CALN1: variants seen among roughly 807,000 people sequenced by gnomAD.
The protein encoded by CALN1 is calneuron 1.
In CALN1, 17 loss-of-function variants were observed where a neutral mutation model predicts 30.6. The ratio of observed to expected loss-of-function variants is 0.56; its 90% CI spans 0.38 to 0.83. The LOEUF is 0.83. Ranked by LOEUF, CALN1 falls within the 40% of genes least tolerant of loss-of-function variation. The pLI is 0.00. For missense variants in CALN1, 291 were observed against 354.9 expected (o/e 0.82, Z 1.45); for synonymous variants, 156 against 131.4 (o/e 1.19, Z -1.28).
At chr7:72,256,983 C>A (rs1795955923) in intron 3 of CALN1, among the ~76,000 whole-genome samples, 1 of 152,158 alleles carries the variant, frequency 6.6e-6, no homozygotes, top group South Asian at 2.1e-4. Flanking sequence ...CATTTTCACA[C>A]TGCTATAAAG....
intron 6 of CALN1, among the ~76,000 whole-genome samples, chr7:71,792,442 G>T (rs992521935): frequency 3.9e-5 from 6 of 152,094 alleles, no homozygotes; most frequent in African/African-American, 1.4e-4. Context: ...AGTATATGTG[G>T]CTCAGCTTTC....
intron 3 of CALN1, among the ~76,000 whole-genome samples, chr7:72,203,235 T>C (rs192054666): frequency 2.0e-4 from 31 of 152,198 alleles, no homozygotes; most frequent in African/African-American, 7.5e-4. Context: ...ACCTAATGCA[T>C]GCGGGGCTTA....
chr7:72,027,186 A>G (rs1801118581), intron 4 of CALN1, among the ~76,000 whole-genome samples: 1 of 152,204 alleles, frequency 6.6e-6, no homozygotes, highest in South Asian at 2.1e-4. Flanking sequence ...GACAACTAGA[A>G]AAATGCATAT....
chr7:72,072,788 A>G (rs1420660607), intron 4 of CALN1, among the ~76,000 whole-genome samples: 1 of 152,234 alleles, frequency 6.6e-6, no homozygotes, highest in Admixed American at 6.5e-5. Flanking sequence ...GTTATAAAGC[A>G]GCATTTTTTA....
At chr7:72,268,711 C>A (rs1315741420) in intron 3 of CALN1, among the ~76,000 whole-genome samples, 1 of 151,774 alleles carries the variant, frequency 6.6e-6, no homozygotes, top group African/African-American at 2.4e-5. Flanking sequence ...GCAGGAGAAT[C>A]ACTTCAGCCC....
intron 4 of CALN1, among the ~76,000 whole-genome samples, chr7:72,040,711 T>C (rs572672784): frequency 6.6e-6 from 1 of 152,150 alleles, no homozygotes; most frequent in African/African-American, 2.4e-5. Context: ...AACGTGGCCA[T>C]GTGCAAACCA....
chr7:72,456,174 C>T, the CALN1 span, among the ~76,000 whole-genome samples: 5 of 143,768 alleles, frequency 3.5e-5, no homozygotes, highest in African/African-American at 1.3e-4. Context: ...CAGAGCGACA[C>T]TCAGTCTCAA....
chr7:71,925,371 G>A (rs1795211059), intron 5 of CALN1, among the ~76,000 whole-genome samples: 2 of 152,048 alleles, frequency 1.3e-5, no homozygotes, highest in African/African-American at 4.8e-5. Context: ...TCTTTATGAA[G>A]ATGTTAAGTT....
intron 3 of CALN1, among the ~76,000 whole-genome samples, chr7:72,233,935 CAG>C (rs1485668630): frequency 1.3e-5 from 2 of 152,090 alleles, no homozygotes; most frequent in African/African-American, 2.4e-5. Context: ...GCCTGGGAGA[CAG>C]AGGTTGCAGT....
At chr7:72,221,222 T>C (rs1793265242) in intron 3 of CALN1, among the ~76,000 whole-genome samples, 1 of 151,740 alleles carries the variant, frequency 6.6e-6, no homozygotes, top group South Asian at 2.1e-4. Context: ...AACTGACCTA[T>C]CAGGGAAGCA....
At chr7:71,873,532 T>A (rs1444728172) in intron 5 of CALN1, among the ~76,000 whole-genome samples, 6 of 152,202 alleles carry the variant, frequency 3.9e-5, no homozygotes, top group African/African-American at 1.4e-4. Context: ...CTAACCCAGT[T>A]CTTCTCAAAA....
intron 2 of CALN1, among the ~76,000 whole-genome samples, chr7:72,400,588 G>A (rs1387506243): frequency 2.6e-5 from 4 of 152,210 alleles, no homozygotes; most frequent in South Asian, 4.1e-4. Context: ...AAGGAATCAA[G>A]GCCAGGCATC....
At chr7:72,449,605 G>T (rs1808617359), upstream of CALN1, among the ~76,000 whole-genome samples, 4 of 152,184 alleles carry the variant, frequency 2.6e-5, no homozygotes, top group Admixed American at 2.6e-4. Flanking sequence ...GGGCGCGGTG[G>T]CTCATGCCTG....
chr7:72,408,413 C>G (rs2129562800), intron 1 of CALN1, among the ~76,000 whole-genome samples: 1 of 152,146 alleles, frequency 6.6e-6, no homozygotes, highest in Admixed American at 6.5e-5. Context: ...CCACTACACT[C>G]CAGCCTGGGC....
intron 5 of CALN1, among the ~76,000 whole-genome samples, chr7:71,836,839 A>T (rs1398307729): frequency 6.6e-6 from 1 of 151,506 alleles, no homozygotes; most frequent in Non-Finnish European, 1.5e-5. Flanking sequence ...GTCGGTCTCA[A>T]ACTCCCAACC....
chr7:72,360,149 A>G (rs1034822229), intron 2 of CALN1, among the ~76,000 whole-genome samples: 6 of 152,114 alleles, frequency 3.9e-5, no homozygotes, highest in Non-Finnish European at 8.8e-5. Flanking sequence ...CATTATTGCA[A>G]CAAACTGGGA....
chr7:71,832,079 C>T (rs1036863048), intron 5 of CALN1, among the ~76,000 whole-genome samples: 1 of 152,010 alleles, frequency 6.6e-6, no homozygotes, highest in Non-Finnish European at 1.5e-5. Context: ...TGATGTTGTC[C>T]AATTCATAAT....
chr7:72,435,371 T>A (rs1270980265), intron 1 of CALN1, among the ~76,000 whole-genome samples: 4 of 152,128 alleles, frequency 2.6e-5, no homozygotes, highest in Non-Finnish European at 4.4e-5. Context: ...TCATCTACAA[T>A]AGCTTTCCTG....
At chr7:72,396,836 T>G (rs1041283851) in intron 2 of CALN1, among the ~76,000 whole-genome samples, 1 of 152,014 alleles carries the variant, frequency 6.6e-6, no homozygotes, top group Non-Finnish European at 1.5e-5. Flanking sequence ...TTCGTTGAGG[T>G]TGAAGGTTAG....
Sources: allele counts gnomAD v4.1 joint callset (sites outside exome capture counted in the v4.1 genomes callset), GRCh38; gene constraint gnomAD v4.1.1; transcripts MANE v1.5; gene names NCBI Gene and HGNC (gene_info 2026-07-23, HGNC 2026-07-21).